The following MRPL11 variants were observed in gnomAD, a reference collection of about 807,000 sequenced individuals.
The protein encoded by MRPL11 is large ribosomal subunit protein uL11m.
In MRPL11, 21 loss-of-function variants were observed where a neutral mutation model predicts 19.1. The ratio of observed to expected loss-of-function variants is 1.10; its 90% CI spans 0.78 to 1.58. MRPL11 has a LOEUF of 1.58. Ranked by LOEUF, MRPL11 falls within the 40% of genes most tolerant of loss-of-function variation. The pLI is 0.00. For missense variants in MRPL11, 242 were observed against 243.9 expected, an observed-to-expected ratio of 0.99 and a Z score of 0.05; for synonymous variants, 108 against 99.7, an observed-to-expected ratio of 1.08 and a Z score of -0.49.
chr11:66,438,607 C>T (rs1251066539), intron 1 of MRPL11, 25 bp downstream of exon 1: 17 of 1,487,798 alleles, frequency 1.1e-5, no homozygotes, highest in Middle Eastern at 2.5e-4. Context: ...ACAACCCCCA[C>T]GTCGGGTTCC....
At position 66,438,708 on chromosome 11, in the gene MRPL11, ACCTCGGGCTT is replaced by A; in HGVS notation, c.37_46del (p.Lys13SerfsTer4). 6.3e-7 allele frequency: 1 copy of A among 1,582,850 alleles called. No homozygotes were observed. Reference sequence around the variant, plus strand: ...CACGATCGCCCGGATCACACCGCCGACCTCGGGCTTCCTGAGGCCCCGGGCGGCCCGGCCG... The same window carrying A: ...CACGATCGCCCGGATCACACCGCCGACCTGAGGCCCCGGGCGGCCCGGCCG... On this transcript the variant is annotated frameshift_variant, in exon 1 of 5. Coordinates refer to ENST00000310999, the MANE Select transcript of MRPL11 (RefSeq NM_016050.5). LOFTEE classifies it high-confidence loss of function.
At chr11:66,436,927 C>T in intron 4 of MRPL11, 177 bp downstream of exon 4, 1 of 1,605,614 alleles carries the variant, frequency 6.2e-7, no homozygotes, top group East Asian at 2.2e-5. Flanking sequence ...ATAACAGGTG[C>T]CCAATAAGAG....
intron 1 of MRPL11, 129 bp downstream of exon 1, chr11:66,438,503 A>T: frequency 7.8e-7 from 1 of 1,279,356 alleles, no homozygotes; most frequent in Non-Finnish European, 1.1e-6. Context: ...CAAGGACATA[A>T]AGCGTGTGAG....
intron 4 of MRPL11, 103 bp from the exon 5 acceptor site, chr11:66,436,215 G>T: frequency 1.1e-6 from 1 of 882,704 alleles, no homozygotes. Context: ...CTGTCTCCAA[G>T]CCCAGCTTGC....
At chr11:66,438,056 G>A in intron 2 of MRPL11, 108 bp downstream of exon 2, 1 of 772,402 alleles carries the variant, frequency 1.3e-6, no homozygotes. Context: ...GTGGAGCCCA[G>A]TAATAGGAAG....
At chr11:66,437,518 C>T in intron 2 of MRPL11, 75 bp from the exon 3 acceptor site, 1 of 1,329,834 alleles carries the variant, frequency 7.5e-7, no homozygotes, top group Non-Finnish European at 1.1e-6. Flanking sequence ...GTCTTGCCCC[C>T]TGCTTCCTTC....
chr11:66,438,710 C>T lies in MRPL11; in HGVS notation c.45G>A (p.Glu15=), dbSNP rs1262431449. Residue 15 remains glutamate, a synonymous_variant, in exon 1 of 5, where the codon GAG becomes GAA. Transcript: ENST00000310999. ...GRAARGLRKP[E]VGGVIRAIVR... ...CGATCGCCCGGATCACACCGCCGAC[C>T]TCGGGCTTCCTGAGGCCCCGGGCGG... The T allele has an allele frequency of 1.9e-6, 3 of 1,584,462 alleles. No homozygotes were observed. Among genetic ancestry groups the T allele is most frequent in the East Asian group, 2.3e-5 (1 of 43,410 alleles).
intron 2 of MRPL11, among the ~76,000 whole-genome samples, chr11:66,437,682 G>T (rs1322276324): frequency 6.6e-6 from 1 of 152,196 alleles, no homozygotes; most frequent in East Asian, 1.9e-4. Context: ...AGACCAGCCT[G>T]ACCAACATGG....
Sources: gnomAD v4.1 joint callset for allele counts (sites outside exome capture counted in the v4.1 genomes callset) on GRCh38, gnomAD v4.1.1 for gene constraint, MANE v1.5 for transcripts, NCBI Gene and HGNC (gene_info 2026-07-23, HGNC 2026-07-21) for gene names.